Variants in MYH16 observed in about 807,000 individuals in gnomAD.
MYH16 encodes the protein myosin heavy chain 16, also known as putative uncharacterized protein MYH16.
At chr7:99,246,033 T>A (rs1791724590) in intron 2 of MYH16, among the ~76,000 whole-genome samples, 1 of 150,912 alleles carries the variant, frequency 6.6e-6, no homozygotes, top group Non-Finnish European at 1.5e-5. Context: ...AAGACTCCCG[T>A]CTCTACAAAA....
exon 36 of MYH16, chr7:99,297,994 A>G (rs1792528319): frequency 8.8e-6 from 4 of 456,566 alleles, no homozygotes; most frequent in Admixed American, 2.4e-5. Flanking sequence ...TGAGGCTACC[A>G]GGTATGGAGC....
exon 37 of MYH16, chr7:99,299,509 G>A (rs1792556049): frequency 6.5e-6 from 1 of 153,216 alleles, no homozygotes. Flanking sequence ...GGCCAGCCTA[G>A]AGGCAGAGGC....
chr7:99,293,083 C>G (rs1360579522), intron 32 of MYH16, among the ~76,000 whole-genome samples: 2 of 152,088 alleles, frequency 1.3e-5, no homozygotes, highest in African/African-American at 4.8e-5. Flanking sequence ...CCCATGCACG[C>G]AGGGAAGCCC....
chr7:99,271,387 T>C (rs897366285), intron 19 of MYH16, among the ~76,000 whole-genome samples: 3 of 152,152 alleles, frequency 2.0e-5, no homozygotes, highest in Admixed American at 2.0e-4. Flanking sequence ...TGGGCACCTA[T>C]AATCCCAGCT....
At chr7:99,270,821 C>A (rs1429074754) in intron 18 of MYH16, 2 of 152,070 alleles carry the variant, frequency 1.3e-5, no homozygotes, top group African/African-American at 4.8e-5. Flanking sequence ...GAGGTTGAGG[C>A]TGCAGTGATC....
At chr7:99,274,475 A>C (rs1562779410) in intron 20 of MYH16, among the ~76,000 whole-genome samples, 1 of 152,180 alleles carries the variant, frequency 6.6e-6, no homozygotes, top group East Asian at 1.9e-4. Context: ...CTAGCTAACA[A>C]TCAGCACCCA....
At chr7:99,291,616 G>A (rs1261081030) in intron 31 of MYH16, among the ~76,000 whole-genome samples, 166 bp downstream of exon 12, 1 of 29,420 alleles carries the variant, frequency 3.4e-5, no homozygotes, top group African/African-American at 8.7e-5. Context: ...AACACAGCAA[G>A]ACCCCCCCCC....
chr7:99,255,292 A>G (rs867427661), intron 8 of MYH16, among the ~76,000 whole-genome samples: 30 of 151,682 alleles, frequency 2.0e-4, no homozygotes, highest in African/African-American at 6.3e-4. Flanking sequence ...AAAATAAATA[A>G]GTAACAAAAA....
At chr7:99,292,424 C>A in exon 32 of MYH16, 1 of 458,948 alleles carries the variant, frequency 2.2e-6, no homozygotes, top group South Asian at 1.5e-5. Flanking sequence ...CGCCTCGTGT[C>A]CAAACTCAAC....
intron 33 of MYH16, among the ~76,000 whole-genome samples, chr7:99,295,143 C>A (rs1219062053): frequency 1.3e-5 from 2 of 152,086 alleles, no homozygotes; most frequent in African/African-American, 4.8e-5. Flanking sequence ...CTTTGGGAGG[C>A]CGAGGCAGGC....
intron 1 of MYH16, among the ~76,000 whole-genome samples, chr7:99,242,027 A>T (rs2150803902): frequency 6.6e-6 from 1 of 152,082 alleles, no homozygotes. Context: ...CGCCCAGCTA[A>T]TTTTTGTATT....
intron 34 of MYH16, among the ~76,000 whole-genome samples, chr7:99,297,194 G>A (rs531591816): frequency 6.6e-6 from 1 of 152,258 alleles, no homozygotes; most frequent in East Asian, 1.9e-4. Flanking sequence ...CACTTTGGGA[G>A]GCTGAGGCGG....
At chr7:99,301,108 T>A (rs1376328488) in intron 37 of MYH16, among the ~76,000 whole-genome samples, 3 of 138,142 alleles carry the variant, frequency 2.2e-5, no homozygotes, top group South Asian at 2.2e-4. Flanking sequence ...GGCAGGAGAA[T>A]CACTTGAACC....
intron 18 of MYH16, among the ~76,000 whole-genome samples, chr7:99,269,064 C>A (rs1320984631): frequency 1.3e-5 from 2 of 152,176 alleles, no homozygotes; most frequent in Non-Finnish European, 2.9e-5. Context: ...GAATGCAGGT[C>A]TCCTGGCACC....
chr7:99,243,878 CATCCATCCAAACATTT>C (rs1367508910), intron 2 of MYH16, among the ~76,000 whole-genome samples: 1 of 151,578 alleles, frequency 6.6e-6, no homozygotes, highest in Non-Finnish European at 1.5e-5. Flanking sequence ...TCCAAACATT[CATCCATCCAAACATTT>C]ATCCATCCAA....
At chr7:99,260,374 G>A in intron 12 of MYH16, 1 of 873,824 alleles carries the variant, frequency 1.1e-6, no homozygotes, top group Admixed American at 2.1e-5. Flanking sequence ...GAGAGGCCAG[G>A]GCCAAGGGAT....
At chr7:99,249,678 C>T (rs1791787050) in intron 4 of MYH16, among the ~76,000 whole-genome samples, 2 of 148,728 alleles carry the variant, frequency 1.3e-5, no homozygotes, top group Admixed American at 6.7e-5. Flanking sequence ...GCCTCAGCCT[C>T]CTGAGTAGCT....
intron 33 of MYH16, among the ~76,000 whole-genome samples, chr7:99,295,007 C>T (rs940839400): frequency 6.6e-6 from 1 of 152,166 alleles, no homozygotes; most frequent in Non-Finnish European, 1.5e-5. Context: ...CCACTGCACT[C>T]CAGCCTGGTT....
chr7:99,270,135 G>T (rs956920741), intron 18 of MYH16, among the ~76,000 whole-genome samples: 4 of 151,978 alleles, frequency 2.6e-5, no homozygotes, highest in African/African-American at 7.2e-5. Flanking sequence ...AAGGCACTGG[G>T]ATTACAGGTG....
Sources: allele counts gnomAD v4.1 joint callset (sites outside exome capture counted in the v4.1 genomes callset), GRCh38; gene constraint gnomAD v4.1.1; transcripts MANE v1.5; gene names NCBI Gene and HGNC (gene_info 2026-07-23, HGNC 2026-07-21).